The following CCDC85A variants were observed in gnomAD, a reference collection of about 807,000 sequenced individuals.
CCDC85A encodes coiled-coil domain-containing protein 85A.
CCDC85A carries 38 observed loss-of-function variants against 50.2 expected under a neutral mutation model. That is an observed-to-expected ratio of 0.76 (90% CI 0.58 to 0.99). CCDC85A has a LOEUF of 0.99. CCDC85A is among the 50% of genes least tolerant of loss of function. The pLI is 0.00. For missense variants in CCDC85A, 820 were observed against 742.0 expected, an observed-to-expected ratio of 1.11 and a Z score of -1.22; for synonymous variants, 366 against 301.4, an observed-to-expected ratio of 1.21 and a Z score of -2.22.
chr2:56,200,916 C>G (rs943094482), intron 2 of CCDC85A, among the ~76,000 whole-genome samples: 1 of 151,648 alleles, frequency 6.6e-6, no homozygotes, highest in Admixed American at 6.6e-5. Context: ...AATGAAACTT[C>G]AGGAATTATA....
chr2:56,362,650 G>A (rs533793138), intron 3 of CCDC85A, among the ~76,000 whole-genome samples: 44 of 151,556 alleles, frequency 2.9e-4, no homozygotes, highest in Admixed American at 7.9e-4. Flanking sequence ...GTGAAGTCTC[G>A]CTCTGTCACC....
intron 5 of CCDC85A, chr2:56,383,516 C>T: frequency 2.3e-6 from 2 of 884,348 alleles, no homozygotes; most frequent in Non-Finnish European, 2.7e-6. Flanking sequence ...CCTTTTGTCC[C>T]TCTATGTGGC....
At chr2:56,343,994 A>G (rs754206297) in intron 3 of CCDC85A, among the ~76,000 whole-genome samples, 7 of 152,128 alleles carry the variant, frequency 4.6e-5, no homozygotes, top group Non-Finnish European at 8.8e-5. Flanking sequence ...ACTGCACATA[A>G]GAATCCTTTT....
chr2:56,292,501 AC>A (rs1671760533), intron 2 of CCDC85A, among the ~76,000 whole-genome samples: 1 of 151,880 alleles, frequency 6.6e-6, no homozygotes. Flanking sequence ...GCCTTCCACA[AC>A]CCTCTCTCAG....
intron 2 of CCDC85A, among the ~76,000 whole-genome samples, chr2:56,255,465 C>A (rs747764995): frequency 1.3e-5 from 2 of 152,074 alleles, no homozygotes; most frequent in Non-Finnish European, 2.9e-5. Context: ...ATGGTAAGAA[C>A]TGTACCTTGG....
rs1263286752 is a variant in CCDC85A, at chr2:56,184,616, G to A, written c.-9G>A. On this transcript the variant is annotated 5_prime_UTR_variant, in exon 1 of 6. Transcript: ENST00000407595. ...TCCACCCACTTGCACCTGCCACCCC[G>A]CGGATACCATGTCGAAGGCGGCCGG... is the stretch of plus-strand genomic sequence containing the variant. 1.8e-5 allele frequency: 25 copies of A among 1,416,000 alleles called. No individual in the cohort carries two copies. The highest frequency in any genetic ancestry group is 3.3e-5 in the Admixed American group (1 of 30,232). 87.7% of individuals were successfully genotyped at this position (1,416,000 alleles called of 1,614,324 possible). A position where few individuals can be genotyped will look rare whatever the true frequency, so the allele number is the denominator to read the frequency against.
intron 2 of CCDC85A, among the ~76,000 whole-genome samples, chr2:56,314,039 C>T (rs188535212): frequency 6.0e-5 from 9 of 149,418 alleles, no homozygotes; most frequent in Non-Finnish European, 1.3e-4. Context: ...ATTCTGGAAG[C>T]AGGTAATCTG....
chr2:56,358,057 C>A (rs1675325888), intron 3 of CCDC85A, among the ~76,000 whole-genome samples: 1 of 152,110 alleles, frequency 6.6e-6, no homozygotes, highest in Admixed American at 6.5e-5. Context: ...TTTTCTGTTA[C>A]CTCTGGTTTA....
chr2:56,265,887 C>T (rs982849486), intron 2 of CCDC85A, among the ~76,000 whole-genome samples: 4 of 152,144 alleles, frequency 2.6e-5, no homozygotes, highest in African/African-American at 9.7e-5. Context: ...AATATGGAAT[C>T]AATCTAAGTG....
In CCDC85A at chr2:56,245,908, G is replaced by A. The variant is rs112164489; in HGVS notation, c.1240+52468G>A. 1.6e-3 allele frequency among the ~76,000 whole-genome samples: 248 copies of A among 152,254 alleles called. 1 individual carries two copies. The highest frequency in any genetic ancestry group is 5.7e-3 in the African/African-American group (236 of 41,536). ...TTGAACTTCCCAGTTTCCAGAACTG[G>A]GAGAAATAAATTTTTATTCTGTATA... On this transcript the variant is annotated intron_variant, in intron 2 of 5. Coordinates refer to ENST00000407595, the MANE Select transcript of CCDC85A (RefSeq NM_001080433.2).
chr2:56,376,448 T>C (rs760970930), intron 5 of CCDC85A, among the ~76,000 whole-genome samples: 10 of 152,178 alleles, frequency 6.6e-5, no homozygotes, highest in Non-Finnish European at 1.5e-4. Flanking sequence ...TAATGCCCCG[T>C]TATAGAATAA....
intron 2 of CCDC85A, among the ~76,000 whole-genome samples, chr2:56,284,207 C>T (rs1671326768): frequency 2.6e-5 from 4 of 151,790 alleles, no homozygotes. Context: ...CTATTGTTTT[C>T]CCATATTATG....
At chr2:56,186,447 G>C (rs1438232369) in intron 1 of CCDC85A, among the ~76,000 whole-genome samples, 4 of 152,170 alleles carry the variant, frequency 2.6e-5, no homozygotes, top group Non-Finnish European at 5.9e-5. Context: ...TTATGTAGGG[G>C]AAGGTTTAAT....
chr2:56,259,902 G>T (rs1265219683), intron 2 of CCDC85A, among the ~76,000 whole-genome samples: 1 of 152,178 alleles, frequency 6.6e-6, no homozygotes, highest in Non-Finnish European at 1.5e-5. Flanking sequence ...TTAAGGGCCA[G>T]GTTGATAGCT....
chr2:56,350,272 A>G (rs1173738051), intron 3 of CCDC85A, among the ~76,000 whole-genome samples: 5 of 151,086 alleles, frequency 3.3e-5, no homozygotes, highest in African/African-American at 7.3e-5. Flanking sequence ...GTTTTAAGCA[A>G]TTCTCCTGCC....
chr2:56,322,699 C>G (rs533992431), intron 2 of CCDC85A, among the ~76,000 whole-genome samples: 3 of 152,258 alleles, frequency 2.0e-5, no homozygotes, highest in Admixed American at 6.5e-5. Flanking sequence ...GTTGGTGGGA[C>G]TGTAAACTAG....
chr2:56,370,785 A>T (rs1039220968), intron 3 of CCDC85A, among the ~76,000 whole-genome samples: 19 of 152,154 alleles, frequency 1.2e-4, no homozygotes, highest in Middle Eastern at 3.2e-3. Flanking sequence ...ATTGGGATTT[A>T]GCCTTGCTAC....
intron 3 of CCDC85A, among the ~76,000 whole-genome samples, chr2:56,366,093 T>G (rs1675778318): frequency 6.6e-6 from 1 of 152,204 alleles, no homozygotes; most frequent in Non-Finnish European, 1.5e-5. Flanking sequence ...AGGATTTCCT[T>G]CGTTTTTAAG....
At chr2:56,359,701 CA>C (rs1675428227) in intron 3 of CCDC85A, among the ~76,000 whole-genome samples, 1 of 152,130 alleles carries the variant, frequency 6.6e-6, no homozygotes, top group South Asian at 2.1e-4. Context: ...CAAGTGAGGG[CA>C]TTTCCTGAAA....
Sources: gnomAD v4.1 joint callset for allele counts (sites outside exome capture counted in the v4.1 genomes callset) on GRCh38, gnomAD v4.1.1 for gene constraint, MANE v1.5 for transcripts, NCBI Gene and HGNC (gene_info 2026-07-23, HGNC 2026-07-21) for gene names.